CEP350: variants seen among roughly 807,000 people sequenced by gnomAD.
The protein encoded by CEP350 is centrosome-associated protein 350.
Under a neutral mutation model 331.8 loss-of-function variants are expected in CEP350, and 126 were observed. That is an observed-to-expected ratio of 0.38 (90% confidence interval 0.33 to 0.44). The LOEUF is 0.44. Ranked by LOEUF, CEP350 falls within the 20% of genes least tolerant of loss-of-function variation. The pLI is 1.00. For synonymous variants in CEP350, 1,200 were observed against 1,259.5 expected (o/e 0.95, Z 1.00); for missense variants, 3,406 against 3,634.6 (o/e 0.94, Z 1.62).
intron 8 of CEP350, among the ~76,000 whole-genome samples, chr1:180,011,656 G>A (rs1157258425): frequency 1.3e-5 from 2 of 152,090 alleles, no homozygotes; most frequent in Non-Finnish European, 2.9e-5. Flanking sequence ...TGGCCAGGCT[G>A]GTTTGTGCCT....
At chr1:180,044,650 G>C (rs965280274) in intron 21 of CEP350, among the ~76,000 whole-genome samples, 2 of 133,046 alleles carry the variant, frequency 1.5e-5, no homozygotes, top group African/African-American at 5.6e-5. Flanking sequence ...ACACAGGAAG[G>C]GAAACATCAC....
In CEP350 at chr1:180,095,669, C is replaced by G; in HGVS notation, c.8658C>G (p.Ile2886Met). ...EDFGLSSSHK[I>M]QKNKAEETIV... is the part of the protein sequence containing the mutation. Reference sequence around the variant, plus strand: ...TTGGTTTGAGCTCTTCTCACAAGATCCAAAAAAATAAGGCAGAAGAAACCA... The same window carrying G: ...TTGGTTTGAGCTCTTCTCACAAGATGCAAAAAAATAAGGCAGAAGAAACCA... The change falls in exon 35 of 38, where the codon ATC becomes ATG. Residue 2886 changes from isoleucine to methionine, a missense_variant. Ile to Met is a conservative substitution (Grantham distance 10). Around this residue, in one of 5 missense-constraint regions of CEP350, gnomAD observed 1,415 missense variants for 1,512.3 expected, o/e 0.94. Coordinates refer to ENST00000367607, the MANE Select transcript of CEP350 (RefSeq NM_014810.5). 2 of 1,613,686 alleles carry G rather than the reference C, an allele frequency of 1.2e-6. No individual in the cohort carries two copies. Among genetic ancestry groups the G allele is most frequent in the East Asian group, 2.2e-5 (1 of 44,866 alleles).
At chr1:180,098,779 G>A (rs12121834) in intron 36 of CEP350, 84 bp from the exon 37 acceptor site, 133,161 of 1,065,074 alleles carry the variant, frequency 0.13, 8,926 homozygotes, top group African/African-American at 0.17. Flanking sequence ...TATTCTTATC[G>A]TGAATCTGTT....
intron 1 of CEP350, among the ~76,000 whole-genome samples, chr1:179,985,776 A>C (rs1413290423): frequency 6.6e-6 from 1 of 152,126 alleles, no homozygotes; most frequent in Non-Finnish European, 1.5e-5. Context: ...CCCCTGATCC[A>C]ATTACTTCTA....
intron 21 of CEP350, among the ~76,000 whole-genome samples, chr1:180,046,934 A>G (rs1012016299): frequency 1.1e-4 from 17 of 152,256 alleles, no homozygotes; most frequent in African/African-American, 3.9e-4. Flanking sequence ...GTGCTGCATT[A>G]CATCTTTTAC....
intron 32 of CEP350, among the ~76,000 whole-genome samples, chr1:180,090,397 T>G (rs1020015528): frequency 1.3e-5 from 2 of 150,274 alleles, no homozygotes; most frequent in Admixed American, 1.3e-4. Context: ...ATACAAAAAA[T>G]TAGCCGGGCG....
chr1:179,985,588 G>A lies in CEP350; in HGVS notation c.-13-581G>A, dbSNP rs1652591487. Among the ~76,000 whole-genome samples the A allele has an allele frequency of 2.0e-5, 3 of 152,280 alleles. No homozygotes were observed. In the South Asian group the frequency reaches 6.2e-4, roughly 32 times the overall value. On this transcript the variant is annotated intron_variant, in intron 1 of 37. Transcript: ENST00000367607. The stretch of plus-strand genomic sequence containing the variant: ...AGAAAAGATGTTTAATTGATTTACA[G>A]CTCTGCATGGCTGGGGAGGCCTCAG...
rs74663756 is a variant in CEP350 at position 180,008,928 on chromosome 1, G to A, written c.1246+2361G>A. Reference sequence around the variant, plus strand: ...GTGACACCCATTGTTAACTTTAGATGTCATAATAGAGTGACACTTGCTATA... The same window carrying A: ...GTGACACCCATTGTTAACTTTAGATATCATAATAGAGTGACACTTGCTATA... On this transcript the variant is annotated intron_variant, in intron 8 of 37. Transcript: ENST00000367607. 7.3e-3 allele frequency among the ~76,000 whole-genome samples: 1,109 copies of A among 152,278 alleles called. 13 individuals carry two copies. Among genetic ancestry groups the A allele is most frequent in the African/African-American group, 0.025 (1,040 of 41,552 alleles).
intron 37 of CEP350, among the ~76,000 whole-genome samples, chr1:180,103,871 T>G (rs1660976244): frequency 6.6e-6 from 1 of 150,928 alleles, no homozygotes; most frequent in African/African-American, 2.4e-5. Flanking sequence ...GGATTTTCCC[T>G]CCTTTCTTAG....
intron 16 of CEP350, 32 bp downstream of exon 16, chr1:180,034,114 A>C (rs780956746): frequency 1.3e-6 from 2 of 1,584,370 alleles, no homozygotes; most frequent in Non-Finnish European, 1.7e-6. Context: ...TAATTTTTAG[A>C]ATACGATATG....
chr1:180,036,696 A>G (rs1298851746), intron 16 of CEP350, among the ~76,000 whole-genome samples: 1 of 152,156 alleles, frequency 6.6e-6, no homozygotes, highest in Non-Finnish European at 1.5e-5. Context: ...TATAACTCTT[A>G]TATGCACTGG....
chr1:180,002,722 G>A (rs7521895), intron 6 of CEP350, among the ~76,000 whole-genome samples: 6,161 of 152,222 alleles, frequency 0.04, 179 homozygotes, highest in East Asian at 0.16. Context: ...AATGGATAAA[G>A]TATTGGTATA....
At chr1:179,991,814 G>A (rs1055383834) in intron 4 of CEP350, among the ~76,000 whole-genome samples, 3 of 151,196 alleles carry the variant, frequency 2.0e-5, no homozygotes, top group African/African-American at 7.3e-5. Flanking sequence ...TAAATTTTAT[G>A]TGTAGAATTT....
In CEP350 at chr1:179,997,435, C is replaced by T. The variant is rs556458114; in HGVS notation, c.1018+260C>T. ...GTGGGCCCCCATAGTCCCAACTGCT[C>T]GGGAGGCTGAGGCAGGAGAATGGTG... On this transcript the variant is annotated intron_variant, in intron 6 of 37. Transcript: ENST00000367607. Among the ~76,000 whole-genome samples, 20 of 150,876 alleles carry T rather than the reference C, an allele frequency of 1.3e-4. No homozygotes were observed. The South Asian group carries it at 1.5e-3, about 11-fold the overall frequency.
chr1:180,074,993 TCAAAC>T (rs1237757517), intron 27 of CEP350, 24 bp from the exon 28 acceptor site: 1 of 1,571,912 alleles, frequency 6.4e-7, no homozygotes, highest in Admixed American at 1.9e-5. Context: ...GTTTTTTCTC[TCAAAC>T]TGTTCTTCAT....
chr1:180,068,855 G>A (rs1658708194), intron 27 of CEP350, among the ~76,000 whole-genome samples: 1 of 152,190 alleles, frequency 6.6e-6, no homozygotes, highest in African/African-American at 2.4e-5. Flanking sequence ...AATGAGGACA[G>A]CTTCACATAG....
chr1:179,996,496 T>C, intron 5 of CEP350, 57 bp from the exon 6 acceptor site: 1 of 1,244,878 alleles, frequency 8.0e-7, no homozygotes, highest in East Asian at 2.6e-5. Flanking sequence ...TTAGCAATTT[T>C]CAAGTATACA....
chr1:179,957,920 T>C (rs16855021), intron 1 of CEP350, among the ~76,000 whole-genome samples: 21,415 of 152,176 alleles, frequency 0.14, 1,594 homozygotes, highest in African/African-American at 0.17. Context: ...TTAATCTCAG[T>C]ATTGGGAGTT....
chr1:179,991,148 A>T (rs1470417106), intron 4 of CEP350, among the ~76,000 whole-genome samples: 1 of 151,296 alleles, frequency 6.6e-6, no homozygotes, highest in African/African-American at 2.4e-5. Flanking sequence ...TAATTCACAG[A>T]TATATAGCAC....
Sources: gnomAD v4.1 joint callset for allele counts (sites outside exome capture counted in the v4.1 genomes callset) on GRCh38, gnomAD v4.1.1 for gene constraint, gnomAD v4.1.1 regional missense constraint, MANE v1.5 for transcripts, NCBI Gene and HGNC (gene_info 2026-07-23, HGNC 2026-07-21) for gene names.